LIN54: variants seen among roughly 807,000 people sequenced by gnomAD.
LIN54 encodes the protein lin-54 DREAM MuvB core complex component.
A neutral mutation model predicts 78.7 loss-of-function variants in LIN54; 9 were observed. The observed-to-expected ratio is 0.11, with a 90% CI of 0.07 to 0.20. The LOEUF (loss-of-function observed/expected upper bound fraction) is 0.20. LIN54 is among the 10% of genes least tolerant of loss of function. LIN54 has a pLI of 1.00. For synonymous variants in LIN54, 269 were observed against 318.4 expected, an observed-to-expected ratio of 0.84 and a Z score of 1.65; for missense variants, 573 against 889.9, an observed-to-expected ratio of 0.64 and a Z score of 4.53.
intron 5 of LIN54, among the ~76,000 whole-genome samples, chr4:82,945,412 T>A (rs1317761755): frequency 1.3e-5 from 2 of 152,060 alleles, no homozygotes; most frequent in Non-Finnish European, 2.9e-5. Context: ...GTAAGAAGGG[T>A]TAAACACAAA....
At chr4:82,944,598 T>A (rs1723203699) in intron 5 of LIN54, 1 of 152,188 alleles carries the variant, frequency 6.6e-6, no homozygotes, top group South Asian at 2.1e-4. Flanking sequence ...AGATATATAC[T>A]AAATACTGCT....
chr4:83,010,920 CA>C, upstream of LIN54: 2 of 1,001,118 alleles, frequency 2.0e-6, no homozygotes, highest in Non-Finnish European at 2.5e-6. Context: ...CGCCAACCTT[CA>C]AACGCACAAG....
intron 3 of LIN54, among the ~76,000 whole-genome samples, chr4:82,974,645 G>A (rs1726002651): frequency 6.6e-6 from 1 of 152,106 alleles, no homozygotes; most frequent in Non-Finnish European, 1.5e-5. Flanking sequence ...GCTGAAGCAA[G>A]AGAATCACTT....
At chr4:82,948,219 A>G (rs1723564427) in intron 4 of LIN54, among the ~76,000 whole-genome samples, 1 of 152,214 alleles carries the variant, frequency 6.6e-6, no homozygotes, top group Admixed American at 6.5e-5. Flanking sequence ...AACACTAAGT[A>G]CATTAGGAAA....
At chr4:82,968,681 T>C (rs1216456068) in intron 4 of LIN54, among the ~76,000 whole-genome samples, 1 of 152,166 alleles carries the variant, frequency 6.6e-6, no homozygotes, top group African/African-American at 2.4e-5. Flanking sequence ...GGTAGGGGCC[T>C]GCCATTAGTT....
intron 4 of LIN54, among the ~76,000 whole-genome samples, chr4:82,954,252 T>G (rs932033954): frequency 1.8e-4 from 27 of 152,076 alleles, no homozygotes; most frequent in African/African-American, 6.3e-4. Context: ...GTAACCACAT[T>G]AATAATAAAG....
intron 4 of LIN54, among the ~76,000 whole-genome samples, chr4:82,956,815 G>A (rs1038972244): frequency 2.6e-5 from 4 of 151,932 alleles, no homozygotes; most frequent in Admixed American, 2.0e-4. Flanking sequence ...TAGAGACAGG[G>A]TCTCACTATG....
At chr4:82,942,890 A>ACC (rs1219020213) in intron 5 of LIN54, among the ~76,000 whole-genome samples, 12 of 138,776 alleles carry the variant, frequency 8.6e-5, no homozygotes, top group South Asian at 2.4e-4. Flanking sequence ...ACACACACAC[A>ACC]CACCCTCCCT....
At chr4:82,977,369 T>G (rs1236000733) in intron 3 of LIN54, among the ~76,000 whole-genome samples, 1 of 152,162 alleles carries the variant, frequency 6.6e-6, no homozygotes, top group Non-Finnish European at 1.5e-5. Flanking sequence ...CCCTTTCCAG[T>G]ATTTTCTTTG....
At chr4:82,955,571 C>T (rs1343965402) in intron 4 of LIN54, among the ~76,000 whole-genome samples, 1 of 151,686 alleles carries the variant, frequency 6.6e-6, no homozygotes, top group African/African-American at 2.4e-5. Flanking sequence ...TCAATTCAAA[C>T]GTAGTGAAAA....
At chr4:82,948,833 A>G (rs749230380) in intron 4 of LIN54, among the ~76,000 whole-genome samples, 5 of 152,198 alleles carry the variant, frequency 3.3e-5, no homozygotes, top group Admixed American at 6.5e-5. Flanking sequence ...AGATTCATCC[A>G]TGTTGTGGCA....
At chr4:82,930,121 A>G (rs1721831283) in intron 12 of LIN54, among the ~76,000 whole-genome samples, 1 of 151,746 alleles carries the variant, frequency 6.6e-6, no homozygotes, top group Admixed American at 6.6e-5. Flanking sequence ...CTAGTCTCAA[A>G]CTCCTGACCT....
chr4:83,004,480 T>C (rs1729153843), intron 1 of LIN54, among the ~76,000 whole-genome samples: 1 of 144,488 alleles, frequency 6.9e-6, no homozygotes, highest in South Asian at 2.2e-4. Flanking sequence ...ATATTCACTA[T>C]GGAAAGAAAT....
intron 1 of LIN54, among the ~76,000 whole-genome samples, chr4:82,998,011 A>T (rs200059532): frequency 0.59 from 59,147 of 99,570 alleles, 15,571 homozygotes; most frequent in Admixed American, 0.68. Context: ...AAAAAATAAT[A>T]ATATATATAT....
chr4:83,012,302 G>A (rs1385183151), upstream of LIN54, among the ~76,000 whole-genome samples: 1 of 152,114 alleles, frequency 6.6e-6, no homozygotes, highest in Non-Finnish European at 1.5e-5. Flanking sequence ...GGCTTCGCGA[G>A]GAAAACGGAC....
intron 4 of LIN54, among the ~76,000 whole-genome samples, chr4:82,962,397 G>A (rs1266429648): frequency 2.0e-5 from 3 of 152,104 alleles, no homozygotes; most frequent in Non-Finnish European, 2.9e-5. Context: ...TTTCTCTACT[G>A]CAGTGGTATA....
intron 1 of LIN54, among the ~76,000 whole-genome samples, chr4:82,996,994 T>C (rs1728284063): frequency 6.6e-6 from 1 of 151,636 alleles, no homozygotes; most frequent in Non-Finnish European, 1.5e-5. Context: ...CAGAAGTATC[T>C]TGTTTATTTG....
chr4:83,007,888 T>A lies in LIN54; in HGVS notation c.-33+2596A>T, dbSNP rs566530667. The stretch of plus-strand genomic sequence containing the variant: ...TGACAGAGTGAGAACCCATCTCATT[T>A]AAAAAAAAAAAAATTCTATCAAACA... On this transcript the variant is annotated intron_variant, in intron 1 of 12. Transcript: ENST00000340417. Among the ~76,000 whole-genome samples the A allele has an allele frequency of 2.5e-4, 37 of 146,582 alleles. No individual in the cohort carries two copies. In the East Asian group the frequency reaches 6.7e-3, roughly 27 times the overall value.
At chr4:82,987,372 A>G (rs551137271) in intron 1 of LIN54, among the ~76,000 whole-genome samples, 2 of 152,244 alleles carry the variant, frequency 1.3e-5, no homozygotes, top group Non-Finnish European at 2.9e-5. Context: ...TTGGTGTTTT[A>G]AAACAGGGAA....
Sources: allele counts gnomAD v4.1 joint callset (sites outside exome capture counted in the v4.1 genomes callset), GRCh38; gene constraint gnomAD v4.1.1; transcripts MANE v1.5; gene names NCBI Gene and HGNC (gene_info 2026-07-23, HGNC 2026-07-21).